The following LMNTD1 variants were observed in gnomAD, a reference collection of about 807,000 sequenced individuals.
LMNTD1 encodes lamin tail domain-containing protein 1.
A neutral mutation model predicts 50.9 loss-of-function variants in LMNTD1; 35 were observed. The observed-to-expected ratio is 0.69, with a 90% CI of 0.53 to 0.91. The LOEUF is 0.91. Ranked by LOEUF, LMNTD1 falls within the 40% of genes least tolerant of loss-of-function variation. The probability of loss-of-function intolerance (pLI) is 0.00; values close to 1 mark genes in which losing one functional copy is unlikely to be tolerated. For synonymous variants in LMNTD1, 153 were observed against 161.9 expected (o/e 0.94, Z 0.42); for missense variants, 470 against 475.5 (o/e 0.99, Z 0.11).
intron 1 of LMNTD1, among the ~76,000 whole-genome samples, chr12:25,608,933 T>C (rs1946181970): frequency 6.6e-6 from 1 of 152,234 alleles, no homozygotes; most frequent in Non-Finnish European, 1.5e-5. Context: ...CTTGGTTCCA[T>C]TCTCCATGTC....
At chr12:25,568,672 C>T (rs1565488176) in intron 1 of LMNTD1, among the ~76,000 whole-genome samples, 1 of 152,216 alleles carries the variant, frequency 6.6e-6, no homozygotes, top group African/African-American at 2.4e-5. Flanking sequence ...GGGTGCTTCT[C>T]CCCTCATTTC....
intron 1 of LMNTD1, among the ~76,000 whole-genome samples, chr12:25,559,652 A>T (rs532072994): frequency 6.6e-6 from 1 of 152,360 alleles, no homozygotes; most frequent in East Asian, 1.9e-4. Flanking sequence ...ACTAGTTTAC[A>T]GTCCAACCAA....
chr12:25,535,817 A>G (rs1019474944), intron 4 of LMNTD1, among the ~76,000 whole-genome samples: 3 of 152,272 alleles, frequency 2.0e-5, no homozygotes, highest in Middle Eastern at 3.4e-3. Context: ...TCTCAACTAT[A>G]TGCTACCTAC....
At chr12:25,606,944 T>C (rs1946120944) in intron 1 of LMNTD1, among the ~76,000 whole-genome samples, 1 of 152,210 alleles carries the variant, frequency 6.6e-6, no homozygotes, top group Admixed American at 6.5e-5. Flanking sequence ...AGAATTCGGC[T>C]GTGAATCTGT....
intron 1 of LMNTD1, among the ~76,000 whole-genome samples, chr12:25,575,739 G>A (rs187291052): frequency 4.5e-4 from 69 of 151,968 alleles, no homozygotes; most frequent in African/African-American, 1.6e-3. Context: ...TGCACAACGT[G>A]CAGGTTTGTT....
In LMNTD1 at chr12:25,549,416, G is replaced by A. The variant is rs376996046; in HGVS notation, c.220C>T (p.Pro74Ser). The A allele has an allele frequency of 2.5e-6, 4 of 1,612,364 alleles. No individual in the cohort carries two copies. Among genetic ancestry groups the A allele is most frequent in the Non-Finnish European group, 3.4e-6 (4 of 1,178,716 alleles). Residue 74 changes from proline (P) to serine (S), a missense_variant, in exon 3 of 10, where the codon CCT (proline) becomes TCT (serine). Pro to Ser is a moderately conservative substitution (Grantham distance 74). Coordinates refer to ENST00000458174, the MANE Select transcript of LMNTD1 (RefSeq NM_001145728.2). ...GMPLGYYLSS[P>S]QISRVTISTT... ...GATATAGTTACTCTACTAATCTGAG[G>A]ACTAGACAGATAGTAACCAAGAGGC...
intron 4 of LMNTD1, among the ~76,000 whole-genome samples, chr12:25,538,492 GA>G (rs2136170803): frequency 7.0e-6 from 1 of 142,044 alleles, no homozygotes; most frequent in South Asian, 2.4e-4. Flanking sequence ...AAGTGAAGGA[GA>G]AATAAAATAC....
At chr12:25,581,788 T>C (rs1402455183) in intron 1 of LMNTD1, among the ~76,000 whole-genome samples, 1 of 152,238 alleles carries the variant, frequency 6.6e-6, no homozygotes, top group Non-Finnish European at 1.5e-5. Flanking sequence ...GATAGCCTAT[T>C]GCCCCTAGGC....
intron 4 of LMNTD1, among the ~76,000 whole-genome samples, 189 bp from the exon 5 acceptor site, chr12:25,527,144 TA>T (rs1941781327): frequency 6.6e-6 from 1 of 152,164 alleles, no homozygotes; most frequent in Admixed American, 6.5e-5. Flanking sequence ...TCTATTTCTT[TA>T]TCTGTGCAAT....
intron 1 of LMNTD1, among the ~76,000 whole-genome samples, chr12:25,574,280 G>A (rs1032012527): frequency 2.0e-5 from 3 of 151,910 alleles, no homozygotes; most frequent in African/African-American, 4.8e-5. Flanking sequence ...TATCTCTCTT[G>A]TTACTTGCCT....
rs535396493 is a variant in LMNTD1 at position 25,500,960 on chromosome 12, G to A, written c.*22+2778C>T. On this transcript the variant is annotated intron_variant, in intron 9 of 9. Transcript: ENST00000458174. ...ATGTAATTAGTGGTCAAATAAACTC[G>A]AGATTGAACTTTGTTTTTGTCTGTT... Among the ~76,000 whole-genome samples the A allele has an allele frequency of 2.5e-3, 363 of 145,872 alleles. 4 individuals carry two copies. The highest frequency in any genetic ancestry group is 8.6e-3 in the African/African-American group (347 of 40,360).
chr12:25,589,647 A>G (rs1456386133), intron 1 of LMNTD1, among the ~76,000 whole-genome samples: 1 of 152,214 alleles, frequency 6.6e-6, no homozygotes, highest in African/African-American at 2.4e-5. Context: ...TACATTAAAA[A>G]TTAGGAATTT....
chr12:25,630,075 G>T (rs571055098), intron 1 of LMNTD1, among the ~76,000 whole-genome samples: 1 of 152,122 alleles, frequency 6.6e-6, no homozygotes, highest in Non-Finnish European at 1.5e-5. Flanking sequence ...GCCACTTTTG[G>T]GGGGAGGAGA....
At chr12:25,575,512 A>C (rs1179171191) in intron 1 of LMNTD1, among the ~76,000 whole-genome samples, 1 of 152,150 alleles carries the variant, frequency 6.6e-6, no homozygotes, top group Non-Finnish European at 1.5e-5. Context: ...AAATTGTGAA[A>C]AATGTCATCT....
Position 25,520,139 on chromosome 12 carries a change from G to GATATATATATATAT in LMNTD1, c.799-65_799-64insATATATATATATAT, listed in dbSNP as rs1394594290. The GATATATATATATAT allele has an allele frequency of 8.1e-4, 123 of 152,424 alleles. 7 individuals are homozygous for GATATATATATATAT. Among genetic ancestry groups the GATATATATATATAT allele is most frequent in the Middle Eastern group, 2.8e-3 (1 of 362 alleles). The allele number at this position is 152,424 out of a possible 1,614,324, so 9.4% of individuals were successfully genotyped here. ...TGAGGTTTACAACATGCTGTTATGAGATATACATATATATATATATATATA... is the reference window on the plus strand; with the variant it reads ...TGAGGTTTACAACATGCTGTTATGAGATATATATATATATATATACATATATATATATATATATA... On this transcript the variant is annotated intron_variant, in intron 6 of 9. Transcript: ENST00000458174.
intron 1 of LMNTD1, among the ~76,000 whole-genome samples, chr12:25,645,016 C>T (rs943288797): frequency 6.6e-6 from 1 of 152,120 alleles, no homozygotes; most frequent in South Asian, 2.1e-4. Context: ...GTGAAATCGT[C>T]ATTTCAAAGA....
At chr12:25,527,266 C>G (rs1393218890) in intron 4 of LMNTD1, among the ~76,000 whole-genome samples, 2 of 151,826 alleles carry the variant, frequency 1.3e-5, no homozygotes, top group Non-Finnish European at 2.9e-5. Flanking sequence ...TCCTACTGTT[C>G]AAGATAAAAT....
chr12:25,584,464 T>C (rs973538463), intron 1 of LMNTD1, among the ~76,000 whole-genome samples: 2 of 152,186 alleles, frequency 1.3e-5, no homozygotes, highest in African/African-American at 4.8e-5. Flanking sequence ...TGTTTTGACT[T>C]TCGAGAATTG....
At chr12:25,554,790 A>G (rs1943964832), upstream of LMNTD1, among the ~76,000 whole-genome samples, 1 of 152,196 alleles carries the variant, frequency 6.6e-6, no homozygotes, top group African/African-American at 2.4e-5. Flanking sequence ...CTGGCCAGGC[A>G]CAGTGGTTCC....
Sources: allele counts gnomAD v4.1 joint callset (sites outside exome capture counted in the v4.1 genomes callset), GRCh38; gene constraint gnomAD v4.1.1; transcripts MANE v1.5; gene names NCBI Gene and HGNC (gene_info 2026-07-23, HGNC 2026-07-21).